Variants in ANK2 observed in about 807,000 individuals in gnomAD.
The protein encoded by ANK2 is ankyrin 2, also known as ankyrin-2.
In ANK2, 83 loss-of-function variants were observed where a neutral mutation model predicts 360.5. The observed-to-expected ratio is 0.23, with a 90% CI of 0.19 to 0.28. ANK2 has a LOEUF of 0.28. ANK2 is among the 10% of genes least tolerant of loss of function. ANK2 has a pLI of 1.00. For missense variants in ANK2, 4,201 were observed against 4,795.7 expected (o/e 0.88, Z 3.66); for synonymous variants, 1,740 against 1,759.5 (o/e 0.99, Z 0.28).
At chr4:112,855,481 T>C (rs1001923000) in intron 1 of ANK2, among the ~76,000 whole-genome samples, 1 of 152,354 alleles carries the variant, frequency 6.6e-6, no homozygotes, top group Non-Finnish European at 1.5e-5. Context: ...TCCCTGCACC[T>C]CCTCAATTGG....
At chr4:113,128,302 C>A (rs1218227787) in intron 1 of ANK2, among the ~76,000 whole-genome samples, 1 of 152,158 alleles carries the variant, frequency 6.6e-6, no homozygotes, top group African/African-American at 2.4e-5. Flanking sequence ...TTTTTAAATG[C>A]ACACGTATAC....
chr4:113,085,190 C>T (rs10013950), intron 1 of ANK2, among the ~76,000 whole-genome samples: 56,936 of 152,098 alleles, frequency 0.37, 11,865 homozygotes, highest in African/African-American at 0.56. Flanking sequence ...ACTGAAGTAA[C>T]GGATCAGCAT....
intron 2 of ANK2, among the ~76,000 whole-genome samples, chr4:112,957,759 G>C (rs1432420341): frequency 7.9e-5 from 12 of 151,000 alleles, no homozygotes; most frequent in Non-Finnish European, 1.0e-4. Context: ...CTTCCCAGAC[G>C]GGGTGGCTGC....
chr4:113,379,506 C>T (rs190662344), intron 45 of ANK2, among the ~76,000 whole-genome samples: 9 of 152,158 alleles, frequency 5.9e-5, no homozygotes, highest in East Asian at 1.9e-4. Context: ...CAGAATATCA[C>T]GAAATGTCCT....
chr4:112,834,740 G>T (rs1446641896), intron 1 of ANK2, among the ~76,000 whole-genome samples: 1 of 151,974 alleles, frequency 6.6e-6, no homozygotes, highest in Non-Finnish European at 1.5e-5. Flanking sequence ...TTTTGCAGTT[G>T]GATTGTTTAA....
chr4:113,111,873 A>G (rs1367883427), intron 1 of ANK2, among the ~76,000 whole-genome samples: 1 of 152,222 alleles, frequency 6.6e-6, no homozygotes, highest in Non-Finnish European at 1.5e-5. Flanking sequence ...AGATTATACA[A>G]AGTGACTGAG....
chr4:113,358,289 A>G lies in ANK2; in HGVS notation c.9671A>G (p.Asp3224Gly). The G allele has an allele frequency of 6.2e-7, 1 of 1,613,190 alleles. No homozygotes were observed. Among genetic ancestry groups the G allele is most frequent in the South Asian group, 1.1e-5 (1 of 90,984 alleles). Reference sequence around the variant, plus strand: ...GAAGCTGTTAGTGTAGGGACCAAGGACCTCCCCACCGTGCAAACGGGTGAT... The same window carrying G: ...GAAGCTGTTAGTGTAGGGACCAAGGGCCTCCCCACCGTGCAAACGGGTGAT... The part of the protein sequence containing the change: ...TKEAVSVGTK[D>G]LPTVQTGDIP... The change falls in exon 38 of 46, where the codon GAC becomes GGC. Residue 3224 changes from aspartate to glycine, a missense_variant. Asp to Gly is a moderately conservative substitution (Grantham distance 94). Transcript: ENST00000357077.
intron 9 of ANK2, among the ~76,000 whole-genome samples, chr4:113,244,059 G>A (rs1330604513): frequency 6.6e-6 from 1 of 152,186 alleles, no homozygotes; most frequent in Non-Finnish European, 1.5e-5. Context: ...CAAATAGACA[G>A]TGTATCTTCA....
rs1278663147 is a variant in ANK2 at position 113,357,365 on chromosome 4, A to G, written c.8747A>G (p.Asn2916Ser). 6.2e-7 allele frequency: 1 copy of G among 1,614,074 alleles called. No homozygotes were observed. The highest frequency in any genetic ancestry group is 1.1e-5 in the South Asian group (1 of 91,086). The change falls in exon 38 of 46, where the codon AAT (asparagine) becomes AGT (serine). Residue 2916 changes from asparagine (N) to serine (S), a missense_variant. Physicochemically the swap from Asn to Ser is conservative, Grantham distance 46. Coordinates refer to ENST00000357077, the MANE Select transcript of ANK2 (RefSeq NM_001148.6). Reference protein sequence around the residue: ...MDVPVSDLAENDEIYDPQITS... With the variant: ...MDVPVSDLAESDEIYDPQITS... Reference sequence around the variant, plus strand: ...GTTCCCGTGTCTGACCTAGCTGAGAATGATGAAATCTATGATCCACAAATC... The same window carrying G: ...GTTCCCGTGTCTGACCTAGCTGAGAGTGATGAAATCTATGATCCACAAATC...
chr4:112,711,444 GC>G, the ANK2 span, among the ~76,000 whole-genome samples: 1 of 152,024 alleles, frequency 6.6e-6, no homozygotes, highest in Non-Finnish European at 1.5e-5. Context: ...GATTGCTTGA[GC>G]CGGGGAGTTC....
At chr4:112,755,416 G>A in the ANK2 span, among the ~76,000 whole-genome samples, 1 of 152,188 alleles carries the variant, frequency 6.6e-6, no homozygotes, top group Non-Finnish European at 1.5e-5. Context: ...ATTTCACCTG[G>A]GTGCAGGCAG....
intron 2 of ANK2, among the ~76,000 whole-genome samples, chr4:112,907,513 C>A (rs2085654107): frequency 6.6e-6 from 1 of 152,194 alleles, no homozygotes; most frequent in African/African-American, 2.4e-5. Flanking sequence ...CCTCATCCTA[C>A]TTTCAGGAAG....
At chr4:112,876,639 T>C (rs986470841) in intron 1 of ANK2, among the ~76,000 whole-genome samples, 2 of 152,182 alleles carry the variant, frequency 1.3e-5, no homozygotes, top group African/African-American at 4.8e-5. Flanking sequence ...ATTTGCTGCT[T>C]GTCTGAGACT....
At chr4:112,752,660 G>A in the ANK2 span, among the ~76,000 whole-genome samples, 1 of 151,454 alleles carries the variant, frequency 6.6e-6, no homozygotes, top group South Asian at 2.1e-4. Flanking sequence ...CTGAACCACT[G>A]CACCTTGCTC....
chr4:113,204,675 T>C lies in ANK2; in HGVS notation c.384+5566T>C, dbSNP rs562393200. Among the ~76,000 whole-genome samples the C allele has an allele frequency of 5.9e-5, 9 of 152,330 alleles. No individual in the cohort carries two copies. In the East Asian group the frequency reaches 1.7e-3, roughly 29 times the overall value. Reference sequence around the variant, plus strand: ...TGATGAAGCCACAAACCTGTGGTCATTGGTACGGACACCTTCCTTCCAAAT... The same window carrying C: ...TGATGAAGCCACAAACCTGTGGTCACTGGTACGGACACCTTCCTTCCAAAT... On this transcript the variant is annotated intron_variant, in intron 4 of 45. Coordinates refer to ENST00000357077, the MANE Select transcript of ANK2 (RefSeq NM_001148.6).
intron 2 of ANK2, among the ~76,000 whole-genome samples, chr4:113,004,863 C>T (rs2052209524): frequency 6.6e-6 from 1 of 152,106 alleles, no homozygotes; most frequent in East Asian, 1.9e-4. Flanking sequence ...TTTTCAGCTC[C>T]ATTATAACCT....
At chr4:112,949,062 A>G (rs954933864) in intron 2 of ANK2, among the ~76,000 whole-genome samples, 1 of 152,112 alleles carries the variant, frequency 6.6e-6, no homozygotes, top group Admixed American at 6.5e-5. Context: ...CCTAGGAGGT[A>G]CAGCTCCAGC....
chr4:112,791,239 C>T, the ANK2 span, among the ~76,000 whole-genome samples: 2 of 152,226 alleles, frequency 1.3e-5, no homozygotes, highest in Admixed American at 1.3e-4. Flanking sequence ...GCTGGTGAGC[C>T]ACCTGTCTGG....
intron 2 of ANK2, among the ~76,000 whole-genome samples, chr4:112,990,763 C>T (rs2046465179): frequency 6.6e-6 from 1 of 152,130 alleles, no homozygotes; most frequent in African/African-American, 2.4e-5. Flanking sequence ...CCCTCCTTAC[C>T]ACCCTCCATG....
Sources: allele counts gnomAD v4.1 joint callset (sites outside exome capture counted in the v4.1 genomes callset), GRCh38; gene constraint gnomAD v4.1.1; transcripts MANE v1.5; gene names NCBI Gene and HGNC (gene_info 2026-07-23, HGNC 2026-07-21).